LRP1B: variants seen among roughly 807,000 people sequenced by gnomAD.
LRP1B encodes LDL receptor related protein 1B, also known as low-density lipoprotein receptor-related protein 1B.
LRP1B carries 217 observed loss-of-function variants against 556.6 expected under a neutral mutation model. The observed-to-expected ratio is 0.39, with a 90% CI of 0.35 to 0.44. The LOEUF (loss-of-function observed/expected upper bound fraction) is 0.44. Ranked by LOEUF, LRP1B falls within the 20% of genes least tolerant of loss-of-function variation. The pLI is 1.00. For synonymous variants in LRP1B, 2,047 were observed against 1,865.8 expected (o/e 1.10, Z -2.50); for missense variants, 5,053 against 5,620.8 (o/e 0.90, Z 3.23).
chr2:140,775,328 C>A (rs1689454727), intron 33 of LRP1B, among the ~76,000 whole-genome samples: 2 of 151,776 alleles, frequency 1.3e-5, no homozygotes, highest in South Asian at 4.1e-4. Flanking sequence ...GTCTACATAC[C>A]CCAAATCCTT....
intron 1 of LRP1B, among the ~76,000 whole-genome samples, chr2:142,037,051 G>C (rs1332562262): frequency 6.6e-6 from 1 of 151,610 alleles, no homozygotes; most frequent in Admixed American, 6.6e-5. Context: ...TGACAAAAAG[G>C]CTCGTTACTG....
chr2:141,997,353 C>T (rs1702521463), intron 1 of LRP1B, among the ~76,000 whole-genome samples: 3 of 148,604 alleles, frequency 2.0e-5, no homozygotes, highest in African/African-American at 7.5e-5. Context: ...TTAAAATCAG[C>T]TTAATTAAAA....
At chr2:141,039,171 T>C (rs1698625197) in intron 11 of LRP1B, among the ~76,000 whole-genome samples, 1 of 152,070 alleles carries the variant, frequency 6.6e-6, no homozygotes, top group Admixed American at 6.6e-5. Flanking sequence ...ATATCCACAC[T>C]CTATGTTACC....
chr2:141,703,480 A>G (rs974661905), intron 2 of LRP1B, among the ~76,000 whole-genome samples: 2 of 151,986 alleles, frequency 1.3e-5, no homozygotes, highest in African/African-American at 4.8e-5. Flanking sequence ...CAAGAACATC[A>G]TTCATCTCAG....
chr2:141,184,297 C>T (rs553586422), intron 7 of LRP1B, among the ~76,000 whole-genome samples: 1 of 152,128 alleles, frequency 6.6e-6, no homozygotes, highest in Non-Finnish European at 1.5e-5. Flanking sequence ...AGAGGACATG[C>T]TAACCCAAAA....
chr2:140,514,111 C>T (rs114174293), intron 51 of LRP1B, among the ~76,000 whole-genome samples: 2,414 of 152,044 alleles, frequency 0.016, 61 homozygotes, highest in African/African-American at 0.053. Context: ...AGTATAGATA[C>T]GTGACACTAA....
intron 2 of LRP1B, among the ~76,000 whole-genome samples, chr2:141,724,886 TTAAG>T (rs1027194573): frequency 3.9e-5 from 6 of 151,996 alleles, no homozygotes; most frequent in African/African-American, 1.4e-4. Context: ...TAAAATTACA[TTAAG>T]TTACATTAAA....
intron 1 of LRP1B, among the ~76,000 whole-genome samples, chr2:141,915,426 C>T (rs952632706): frequency 6.6e-5 from 10 of 151,892 alleles, no homozygotes; most frequent in Non-Finnish European, 1.5e-4. Context: ...GAACCTTTCA[C>T]CATATACAAA....
intron 1 of LRP1B, among the ~76,000 whole-genome samples, chr2:141,825,113 T>C (rs1444792837): frequency 6.6e-6 from 1 of 152,222 alleles, no homozygotes; most frequent in Non-Finnish European, 1.5e-5. Flanking sequence ...AGCTCTTTTG[T>C]TTATAAATTA....
At chr2:140,238,516 C>T (rs551698985) in intron 88 of LRP1B, among the ~76,000 whole-genome samples, 1 of 150,814 alleles carries the variant, frequency 6.6e-6, no homozygotes, top group South Asian at 2.1e-4. Flanking sequence ...CCTAAATAGC[C>T]GAAATGACAT....
At chr2:141,949,681 C>A (rs1445791799) in intron 1 of LRP1B, among the ~76,000 whole-genome samples, 1 of 152,172 alleles carries the variant, frequency 6.6e-6, no homozygotes, top group Non-Finnish European at 1.5e-5. Context: ...AGCCACCGTG[C>A]CTGGCCGAAA....
chr2:141,160,374 A>C (rs529176969), intron 7 of LRP1B, among the ~76,000 whole-genome samples: 1 of 152,264 alleles, frequency 6.6e-6, no homozygotes, highest in South Asian at 2.1e-4. Context: ...ACATGAATTT[A>C]CCATAGTTAC....
chr2:141,103,355 A>T (rs751818404), intron 7 of LRP1B, among the ~76,000 whole-genome samples: 1 of 152,016 alleles, frequency 6.6e-6, no homozygotes, highest in Non-Finnish European at 1.5e-5. Context: ...TATTTAAAAG[A>T]CTTGTTTTAC....
At position 141,175,189 on chromosome 2, in the gene LRP1B, T is replaced by C. The variant is rs1285357274; in HGVS notation, c.1013+13232A>G. Among the ~76,000 whole-genome samples the C allele has an allele frequency of 3.3e-5, 5 of 152,076 alleles. No homozygotes were observed. The South Asian group carries it at 1.0e-3, about 31-fold the overall frequency. ...TTATATTTAAAAGGGAAACAGAACA[T>C]AGAAGTTTGAAAAATTTACAGCCTG... On this transcript the variant is annotated intron_variant, in intron 7 of 90. Coordinates refer to ENST00000389484, the MANE Select transcript of LRP1B (RefSeq NM_018557.3).
intron 2 of LRP1B, among the ~76,000 whole-genome samples, chr2:141,536,557 TA>T (rs1282326705): frequency 6.6e-6 from 1 of 152,024 alleles, no homozygotes; most frequent in Non-Finnish European, 1.5e-5. Context: ...ATCAATAAAA[TA>T]ATACATTGTT....
intron 7 of LRP1B, among the ~76,000 whole-genome samples, chr2:141,161,259 T>G (rs910248539): frequency 5.9e-5 from 9 of 152,120 alleles, no homozygotes; most frequent in African/African-American, 2.2e-4. Flanking sequence ...GTACTGCTCA[T>G]AGTATACAGA....
intron 2 of LRP1B, among the ~76,000 whole-genome samples, chr2:141,735,395 G>T (rs546245595): frequency 1.3e-5 from 2 of 151,700 alleles, no homozygotes; most frequent in South Asian, 4.2e-4. Flanking sequence ...GAAAGCCCGG[G>T]TAAGAGATTA....
chr2:140,614,079 C>G (rs1683175277), intron 41 of LRP1B, among the ~76,000 whole-genome samples: 1 of 151,916 alleles, frequency 6.6e-6, no homozygotes, highest in African/African-American at 2.4e-5. Context: ...TTGCCTTTAC[C>G]CTGACAAATT....
At chr2:140,632,403 G>A (rs1360856682) in intron 41 of LRP1B, among the ~76,000 whole-genome samples, 6 of 152,078 alleles carry the variant, frequency 3.9e-5, no homozygotes, top group African/African-American at 1.2e-4. Flanking sequence ...TAAGGAAACT[G>A]TACTACTCAT....
Sources: allele counts gnomAD v4.1 joint callset (sites outside exome capture counted in the v4.1 genomes callset), GRCh38; gene constraint gnomAD v4.1.1; transcripts MANE v1.5; gene names NCBI Gene and HGNC (gene_info 2026-07-23, HGNC 2026-07-21).